CELF2: variants seen among roughly 807,000 people sequenced by gnomAD.
CELF2 encodes CUGBP Elav-like family member 2.
A neutral mutation model predicts 62.6 loss-of-function variants in CELF2; 8 were observed. That is an observed-to-expected ratio of 0.13 (90% CI 0.07 to 0.23). The LOEUF is 0.23. CELF2 is among the 10% of genes least tolerant of loss of function. CELF2 has a pLI of 1.00. For missense variants in CELF2, 333 were observed against 671.0 expected (o/e 0.50, Z 5.56); for synonymous variants, 258 against 250.0 (o/e 1.03, Z -0.30).
rs1390989908 is a variant in CELF2, at chr10:11,297,695, T to C, written c.976+9143T>C. Among the ~76,000 whole-genome samples, 2 of 152,210 alleles carry C rather than the reference T, an allele frequency of 1.3e-5. No homozygotes were observed. The highest frequency in any genetic ancestry group is 2.4e-5 in the African/African-American group (1 of 41,454). On this transcript the variant is annotated intron_variant, in intron 9 of 12. Coordinates refer to ENST00000633077, the MANE Select transcript of CELF2 (RefSeq NM_001326342.2). The surrounding 1 kb of genome is among the most constrained non-coding windows in gnomAD (Gnocchi z 4.4). ...TTTTAAAAATCTGTAATGGGGCCAGTCATGGCAGTTCACACCTGTAATCCC... is the reference window on the plus strand; with the variant it reads ...TTTTAAAAATCTGTAATGGGGCCAGCCATGGCAGTTCACACCTGTAATCCC...
chr10:10,907,351 T>C (rs2063433290), intron 1 of CELF2, among the ~76,000 whole-genome samples: 1 of 152,262 alleles, frequency 6.6e-6, no homozygotes, highest in Non-Finnish European at 1.5e-5. Context: ...TTAGTCAAAC[T>C]AATTATTTGA....
At chr10:10,748,747 CAAAAAAAAA>C in the CELF2 span, among the ~76,000 whole-genome samples, 49 of 37,008 alleles carry the variant, frequency 1.3e-3, 1 homozygote, top group East Asian at 0.034. Context: ...GACTCTGTCT[CAAAAAAAAA>C]AAAAAAAAAA....
the CELF2 span, among the ~76,000 whole-genome samples, chr10:10,626,331 G>A: frequency 6.6e-6 from 1 of 152,198 alleles, no homozygotes; most frequent in African/African-American, 2.4e-5. Flanking sequence ...ATGTATTCAT[G>A]TTAGAATGAA....
intron 2 of CELF2, among the ~76,000 whole-genome samples, chr10:10,965,557 A>G (rs2050035075): frequency 6.6e-6 from 1 of 152,244 alleles, no homozygotes; most frequent in African/African-American, 2.4e-5. Context: ...TGAAATCTGC[A>G]TTGCTAATGA....
chr10:11,108,503 G>A lies in CELF2; in HGVS notation c.75-56983G>A, dbSNP rs537941362. On this transcript the variant is annotated intron_variant, in intron 1 of 12. Transcript: ENST00000633077. ...TTCCCCTGGTAATAGCACTCTCAGC[G>A]GCCTCCCAGTCCCAGATACTTCCCA... Among the ~76,000 whole-genome samples, 13 of 152,076 alleles carry A rather than the reference G, an allele frequency of 8.5e-5. No individual in the cohort carries two copies. In the South Asian group the frequency reaches 1.0e-3, roughly 12 times the overall value.
At chr10:11,327,202 G>C (rs2095794205) in intron 12 of CELF2, among the ~76,000 whole-genome samples, 1 of 150,252 alleles carries the variant, frequency 6.7e-6, no homozygotes, top group Non-Finnish European at 1.5e-5. Context: ...ATGGGGGGCG[G>C]GGGGGTGTGT....
the CELF2 span, among the ~76,000 whole-genome samples, chr10:10,781,923 A>G: frequency 3.9e-5 from 6 of 152,262 alleles, no homozygotes; most frequent in African/African-American, 1.4e-4. Context: ...ATAAAAGGTA[A>G]TAATATGGCA....
chr10:10,543,415 T>G, the CELF2 span, among the ~76,000 whole-genome samples: 2 of 152,230 alleles, frequency 1.3e-5, no homozygotes, highest in Admixed American at 6.5e-5. Context: ...CAGGAGCTAG[T>G]GACCTGCACA....
chr10:11,295,619 C>G (rs1329369670), intron 9 of CELF2, among the ~76,000 whole-genome samples: 1 of 152,158 alleles, frequency 6.6e-6, no homozygotes, highest in Non-Finnish European at 1.5e-5. Flanking sequence ...GTGGCCAAAC[C>G]AGAAAGCGAG....
chr10:11,173,407 C>G (rs1209058477), intron 2 of CELF2, among the ~76,000 whole-genome samples: 3 of 152,180 alleles, frequency 2.0e-5, no homozygotes, highest in Non-Finnish European at 4.4e-5. Flanking sequence ...TTACTTGCTG[C>G]CTCCTTCACA....
rs1387325541 is a variant in CELF2, at chr10:10,857,693, TA to T, written c.53+58885del. On this transcript the variant is annotated intron_variant, in intron 1 of 13. Transcript: ENST00000636488. ...TATATATATATATATTTTACCTCAA[TA>T]AAAAAAAATACTGGATGTACAAAGA... 4.2e-4 allele frequency among the ~76,000 whole-genome samples: 46 copies of T among 110,580 alleles called. 1 individual carries two copies. Among genetic ancestry groups the T allele is most frequent in the African/African-American group, 1.1e-3 (29 of 26,560 alleles). 72.5% of individuals were successfully genotyped at this position (110,580 alleles called of 152,430 possible).
the CELF2 span, among the ~76,000 whole-genome samples, chr10:10,500,167 C>T: frequency 2.8e-4 from 42 of 152,100 alleles, 1 homozygote; most frequent in African/African-American, 1.0e-3. Flanking sequence ...ATCCATCTTA[C>T]TTTATTATTT....
At chr10:11,261,456 C>G (rs76923680) in intron 5 of CELF2, among the ~76,000 whole-genome samples, 3 of 148,936 alleles carry the variant, frequency 2.0e-5, no homozygotes, top group Non-Finnish European at 4.4e-5. Context: ...TACCTTTTGG[C>G]AAGAAAAGAA....
intron 2 of CELF2, among the ~76,000 whole-genome samples, chr10:10,939,641 A>C (rs993159057): frequency 1.3e-5 from 2 of 151,966 alleles, no homozygotes; most frequent in Non-Finnish European, 2.9e-5. Flanking sequence ...GAAGGAGAAA[A>C]ATGAATGATT....
the CELF2 span, among the ~76,000 whole-genome samples, chr10:10,760,800 C>G: frequency 6.6e-6 from 1 of 152,086 alleles, no homozygotes; most frequent in South Asian, 2.1e-4. Flanking sequence ...AGAAAGAGCT[C>G]TATGAGTGGG....
the CELF2 span, among the ~76,000 whole-genome samples, chr10:10,696,365 G>A: frequency 6.6e-6 from 1 of 151,720 alleles, no homozygotes; most frequent in Admixed American, 6.6e-5. Context: ...CCCGTTCTCA[G>A]ATCTCCAGCT....
chr10:10,670,972 G>C, the CELF2 span, among the ~76,000 whole-genome samples: 2 of 151,948 alleles, frequency 1.3e-5, no homozygotes, highest in Non-Finnish European at 2.9e-5. Flanking sequence ...TTTGAGACCA[G>C]CCTAGGCAAC....
chr10:10,720,335 G>C, the CELF2 span, among the ~76,000 whole-genome samples: 1 of 152,196 alleles, frequency 6.6e-6, no homozygotes, highest in African/African-American at 2.4e-5. Flanking sequence ...CCATTAATCT[G>C]CTTCCTTTCT....
chr10:11,252,291 C>T lies in CELF2; in HGVS notation c.403+3090C>T, dbSNP rs61494583. On this transcript the variant is annotated intron_variant, in intron 4 of 12. Coordinates refer to ENST00000633077, the MANE Select transcript of CELF2 (RefSeq NM_001326342.2). ...CACAAAGATTTCTTTGGCTCAGTTG[C>T]TCTAAATAGCTCCTGTAGTTTTGAA... Among the ~76,000 whole-genome samples, 13 of 152,352 alleles carry T rather than the reference C, an allele frequency of 8.5e-5. No individual in the cohort carries two copies. The East Asian group carries it at 2.3e-3, about 27-fold the overall frequency.
Sources: gnomAD v4.1 joint callset for allele counts (sites outside exome capture counted in the v4.1 genomes callset) on GRCh38, gnomAD v4.1.1 for gene constraint, Gnocchi (gnomAD v3.1) non-coding constraint, MANE v1.5 for transcripts, NCBI Gene and HGNC (gene_info 2026-07-23, HGNC 2026-07-21) for gene names.